The following CLSPN variants were observed in gnomAD, a reference collection of about 807,000 sequenced individuals.
The protein encoded by CLSPN is claspin homolog.
In CLSPN, 85 loss-of-function variants were observed where a neutral mutation model predicts 156.3. The observed-to-expected ratio is 0.54, with a 90% CI of 0.46 to 0.65. The LOEUF (loss-of-function observed/expected upper bound fraction) is 0.65. CLSPN is among the 30% of genes least tolerant of loss of function. The probability of loss-of-function intolerance (pLI) is 0.00; values close to 1 mark genes in which losing one functional copy is unlikely to be tolerated. For missense variants in CLSPN, 1,407 were observed against 1,554.9 expected, an observed-to-expected ratio of 0.90 and a Z score of 1.60; for synonymous variants, 534 against 542.4, an observed-to-expected ratio of 0.98 and a Z score of 0.22.
At chr1:35,743,619 G>T in intron 16 of CLSPN, 89 bp from the exon 17 acceptor site, 2 of 1,061,878 alleles carry the variant, frequency 1.9e-6, no homozygotes, top group Non-Finnish European at 2.8e-6. Context: ...AAAATTTTGT[G>T]TGTGTTAATT....
At position 35,760,258 on chromosome 1, in the gene CLSPN, G is replaced by A. The variant is rs914875074; in HGVS notation, c.1579+84C>T. The A allele has an allele frequency of 3.8e-5, 41 of 1,071,034 alleles. No individual in the cohort carries two copies. The African/African-American group carries it at 6.3e-4, about 16-fold the overall frequency. The allele number at this position is 1,071,034 out of a possible 1,614,324, so 66.3% of individuals were successfully genotyped here. A position where few individuals can be genotyped will look rare whatever the true frequency, so the allele number is the denominator to read the frequency against. ...CAAAGTGGTTATTGGTTCCTCCTGT[G>A]TTCTCTGTCCTCGACAGTAGTCAAT... On this transcript the variant is annotated intron_variant, in intron 8 of 24. Coordinates refer to ENST00000318121, the MANE Select transcript of CLSPN (RefSeq NM_022111.4).
chr1:35,762,127 A>C, intron 5 of CLSPN, 57 bp from the exon 6 acceptor site: 4 of 1,295,838 alleles, frequency 3.1e-6, no homozygotes, highest in Non-Finnish European at 4.4e-6. Flanking sequence ...AGAAAGATAG[A>C]TATTCATCAC....
intron 1 of CLSPN, among the ~76,000 whole-genome samples, chr1:35,766,755 T>C (rs1234142341): frequency 6.6e-6 from 1 of 151,236 alleles, no homozygotes; most frequent in East Asian, 1.9e-4. Flanking sequence ...TATGTATATT[T>C]CCTTTTTTCT....
In CLSPN at chr1:35,735,136, C is replaced by A; in HGVS notation, c.*1360G>T. The A allele has an allele frequency of 1.0e-6, 1 of 984,868 alleles. No homozygotes were observed. Among genetic ancestry groups the A allele is most frequent in the Non-Finnish European group, 1.2e-6 (1 of 829,912 alleles). 61.0% of individuals were successfully genotyped at this position (984,868 alleles called of 1,614,324 possible). ...CAGACCCAGAAGGGAGATCTTTGAA[C>A]AACAGTGCTTCAAATTGAGAATTCA... On this transcript the variant is annotated 3_prime_UTR_variant, in exon 25 of 25. Coordinates refer to ENST00000318121, the MANE Select transcript of CLSPN (RefSeq NM_022111.4).
Position 35,734,901 on chromosome 1 carries a change from G to A in CLSPN, c.*1595C>T. 2 of 985,354 alleles carry A rather than the reference G, an allele frequency of 2.0e-6. No individual in the cohort carries two copies. The highest frequency in any genetic ancestry group is 2.4e-6 in the Non-Finnish European group (2 of 829,914). The allele number at this position is 985,354 out of a possible 1,614,324, so 61.0% of individuals were successfully genotyped here. A position where few individuals can be genotyped will look rare whatever the true frequency, so the allele number is the denominator to read the frequency against. On this transcript the variant is annotated 3_prime_UTR_variant, in exon 25 of 25. Coordinates refer to ENST00000318121, the MANE Select transcript of CLSPN (RefSeq NM_022111.4). ...GCAGCACTGATGCTCAGTTCTGAGG[G>A]GAAAAACATTTGTCTAAAATTCTGA...
intron 11 of CLSPN, 46 bp downstream of exon 11, chr1:35,749,587 G>A (rs1048800243): frequency 6.2e-7 from 1 of 1,613,580 alleles, no homozygotes; most frequent in South Asian, 1.1e-5. Context: ...TTACAGGAGG[G>A]GCAAATCCAA....
chr1:35,737,168 G>A, intron 23 of CLSPN, 93 bp from the exon 24 acceptor site: 3 of 1,348,658 alleles, frequency 2.2e-6, no homozygotes, highest in Non-Finnish European at 2.1e-6. Context: ...GATATTGAGG[G>A]TACATATGCC....
chr1:35,745,556 G>C lies in CLSPN; in HGVS notation c.2861C>G (p.Ser954Cys). 1 of 1,607,678 alleles carries C rather than the reference G, an allele frequency of 6.2e-7. No individual in the cohort carries two copies. Among genetic ancestry groups the C allele is most frequent in the Non-Finnish European group, 8.5e-7 (1 of 1,174,204 alleles). ...CSGKFTSQDA[S>C]TPASSELNKQ... ...ATTTAACTCTGATGAGGCTGGAGTG[G>C]AGGCATCTACATCACAACAAGGAAA... is the stretch of plus-strand genomic sequence containing the variant. Residue 954 changes from serine to cysteine, a missense_variant, in exon 16 of 25, where the codon TCC becomes TGC. Physicochemically the swap from Ser to Cys is moderately radical, Grantham distance 112. Transcript: ENST00000318121.
chr1:35,728,018 A>G (rs1641232389), downstream of CLSPN, among the ~76,000 whole-genome samples: 1 of 151,242 alleles, frequency 6.6e-6, no homozygotes, highest in Non-Finnish European at 1.5e-5. Context: ...ATGCCTCAAT[A>G]GCCTCCTGCT....
chr1:35,726,019 T>G lies in CLSPN; in HGVS notation c.3910-5039A>C, dbSNP rs12037348. 4.3e-3 allele frequency among the ~76,000 whole-genome samples: 647 copies of G among 151,930 alleles called. 4 individuals are homozygous for G. The highest frequency in any genetic ancestry group is 0.012 in the African/African-American group (482 of 41,440). On this transcript the variant is annotated intron_variant, in intron 24 of 24. Transcript: ENST00000251195. ...CTTCCTCGTAAGGAAGTAGACTACA[T>G]TACGGGAGGCCTTAAGTAGCCTTAA...
rs200368062 is a variant in CLSPN, at chr1:35,745,234, T to C, written c.2966+217A>G. Among the ~76,000 whole-genome samples the C allele has an allele frequency of 5.9e-5, 9 of 152,350 alleles. No individual in the cohort carries two copies. In the East Asian group the frequency reaches 9.6e-4, roughly 16 times the overall value. On this transcript the variant is annotated intron_variant, in intron 16 of 24. Coordinates refer to ENST00000318121, the MANE Select transcript of CLSPN (RefSeq NM_022111.4). ...AATGGGTGTCTCACTATGGTTTTGATTGGCATTTCTCTATTAATGATATTA... is the reference window on the plus strand; with the variant it reads ...AATGGGTGTCTCACTATGGTTTTGACTGGCATTTCTCTATTAATGATATTA...
In CLSPN at chr1:35,739,213, T is replaced by C. The variant is rs763359281; in HGVS notation, c.3353A>G (p.Gln1118Arg). The change falls in exon 20 of 25, where the codon CAA (glutamine) becomes CGA (arginine). Residue 1118 changes from glutamine to arginine, a missense_variant. Around this residue, in one of 3 missense-constraint regions of CLSPN, gnomAD observed 70 missense variants for 121.5 expected, o/e 0.58. Transcript: ENST00000318121. ...ATCCCCATCAGCAAGGTACCTCTCT[T>C]GGTATAAACGTAGCTGTCGCTTATC... ...DDDKRQLRLY[Q>R]ERYLADGDLH... 2 of 1,614,182 alleles carry C rather than the reference T, an allele frequency of 1.2e-6. No individual in the cohort carries two copies. Among genetic ancestry groups the C allele is most frequent in the South Asian group, 2.2e-5 (2 of 91,084 alleles).
intron 14 of CLSPN, among the ~76,000 whole-genome samples, chr1:35,747,261 G>T (rs180821782): frequency 1.3e-5 from 2 of 152,106 alleles, no homozygotes; most frequent in Admixed American, 1.3e-4. Flanking sequence ...GGTGGAGCTT[G>T]CAGTGAGCCG....
intron 23 of CLSPN, 88 bp from the exon 24 acceptor site, chr1:35,737,163 T>C: frequency 7.2e-7 from 1 of 1,379,992 alleles, no homozygotes; most frequent in Non-Finnish European, 1.0e-6. Context: ...CCCTAGATAT[T>C]GAGGGTACAT....
At chr1:35,768,592 T>TTGTA (rs1553139018) in intron 1 of CLSPN, among the ~76,000 whole-genome samples, 2 of 151,588 alleles carry the variant, frequency 1.3e-5, no homozygotes, top group Non-Finnish European at 2.9e-5. Context: ...TTTTTTTTTT[T>TTGTA]GTAGAGGCGG....
At position 35,734,721 on chromosome 1, in the gene CLSPN, A is replaced by G; in HGVS notation, c.*1775T>C. ...GAAAAGAAAAGAAAAAGAAAAAGAA[A>G]AGAAAAGAAAAACTGTAAAAAACCT... On this transcript the variant is annotated 3_prime_UTR_variant, in exon 25 of 25. Transcript: ENST00000318121. The G allele has an allele frequency of 1.0e-6, 1 of 970,018 alleles. No individual in the cohort carries two copies. The highest frequency in any genetic ancestry group is 1.2e-6 in the Non-Finnish European group (1 of 816,098). 60.1% of individuals were successfully genotyped at this position (970,018 alleles called of 1,614,324 possible).
chr1:35,723,712 A>T (rs1023077382), intron 24 of CLSPN, among the ~76,000 whole-genome samples: 1 of 152,072 alleles, frequency 6.6e-6, no homozygotes, highest in African/African-American at 2.4e-5. Context: ...AACAGAAGTC[A>T]TGGTGTGTTG....
At position 35,737,095 on chromosome 1, in the gene CLSPN, C is replaced by T. The variant is rs1303578092; in HGVS notation, c.3748-20G>A. The stretch of plus-strand genomic sequence containing the variant: ...CTTCACCTGAGGAAAGAAGAGTCAT[C>T]TGGTATCAAATCCCAAGTGCCAACT... On this transcript the variant is annotated intron_variant, in intron 23 of 24. Coordinates refer to ENST00000318121, the MANE Select transcript of CLSPN (RefSeq NM_022111.4). 6.2e-7 allele frequency: 1 copy of T among 1,608,824 alleles called. No individual in the cohort carries two copies. The highest frequency in any genetic ancestry group is 8.5e-7 in the Non-Finnish European group (1 of 1,177,452).
At chr1:35,748,181 G>A in intron 13 of CLSPN, 120 bp from the exon 14 acceptor site, 2 of 1,164,318 alleles carry the variant, frequency 1.7e-6, no homozygotes, top group South Asian at 3.0e-5. Flanking sequence ...TTGTAGTTGA[G>A]GGGGACAATA....
Sources: allele counts gnomAD v4.1 joint callset (sites outside exome capture counted in the v4.1 genomes callset), GRCh38; gene constraint gnomAD v4.1.1; regional missense constraint gnomAD v4.1.1; transcripts MANE v1.5; gene names NCBI Gene and HGNC (gene_info 2026-07-23, HGNC 2026-07-21).